ENPP3: variants seen among roughly 807,000 people sequenced by gnomAD.
ENPP3 encodes ectonucleotide pyrophosphatase/phosphodiesterase family member 3.
In ENPP3, 104 loss-of-function variants were observed where a neutral mutation model predicts 117.8. The observed-to-expected ratio is 0.88, with a 90% confidence interval of 0.75 to 1.04. ENPP3 has a LOEUF of 1.04. Among genes scored for constraint, ENPP3 ranks in the 50% least tolerant of loss-of-function variants. The probability of loss-of-function intolerance (pLI) is 0.00; values close to 1 mark genes in which losing one functional copy is unlikely to be tolerated. For missense variants in ENPP3, 1,026 were observed against 1,051.9 expected (o/e 0.98, Z 0.34); for synonymous variants, 380 against 349.9 (o/e 1.09, Z -0.96).
chr6:131,715,986 G>A (rs1340219464), intron 15 of ENPP3, among the ~76,000 whole-genome samples: 1 of 151,960 alleles, frequency 6.6e-6, no homozygotes, highest in Non-Finnish European at 1.5e-5. Flanking sequence ...AATGCTTGGC[G>A]ATCTGCTTAT....
chr6:131,650,156 G>A lies in ENPP3; in HGVS notation c.277+7G>A, dbSNP rs189132143. ...GACACCTGTGTGGAATCAAGTATGAGTTCTGAGAATAAGTTTATTAGCATG... is the reference window on the plus strand; with the variant it reads ...GACACCTGTGTGGAATCAAGTATGAATTCTGAGAATAAGTTTATTAGCATG... On this transcript the variant is annotated splice_region_variant and intron_variant, in intron 3 of 24. Coordinates refer to ENST00000357639, the MANE Select transcript of ENPP3 (RefSeq NM_005021.5). 3.6e-3 allele frequency: 5,745 copies of A among 1,613,868 alleles called. 73 individuals are homozygous for A. Among genetic ancestry groups the A allele is most frequent in the Middle Eastern group, 0.032 (191 of 6,056 alleles).
intron 15 of ENPP3, chr6:131,701,014 G>C: frequency 1.8e-6 from 1 of 548,450 alleles, no homozygotes; most frequent in South Asian, 2.1e-5. Flanking sequence ...GCCAAATATC[G>C]GAGGGGGTGG....
intron 2 of ENPP3, among the ~76,000 whole-genome samples, chr6:131,648,507 T>G (rs1295265828): frequency 6.6e-6 from 1 of 152,152 alleles, no homozygotes; most frequent in African/African-American, 2.4e-5. Flanking sequence ...AAATTTTTAT[T>G]ATATAAAGTC....
At chr6:131,675,269 C>G in intron 9 of ENPP3, 80 bp downstream of exon 9, 1 of 968,812 alleles carries the variant, frequency 1.0e-6, no homozygotes, top group South Asian at 1.4e-5. Context: ...GGTGGCAATT[C>G]TATTAATCCA....
chr6:131,722,464 G>C, intron 18 of ENPP3, 59 bp downstream of exon 18: 1 of 1,420,922 alleles, frequency 7.0e-7, no homozygotes. Context: ...TCTTAACCTG[G>C]GTAGCTGACA....
chr6:131,685,764 A>G, intron 13 of ENPP3, 112 bp from the exon 14 acceptor site: 1 of 668,216 alleles, frequency 1.5e-6, no homozygotes, highest in Non-Finnish European at 2.7e-6. Context: ...TAATTTTACC[A>G]GATCACAGTT....
chr6:131,743,001 T>C (rs1192289359), intron 24 of ENPP3, among the ~76,000 whole-genome samples: 2 of 152,192 alleles, frequency 1.3e-5, no homozygotes, highest in Non-Finnish European at 2.9e-5. Flanking sequence ...AATAAGAATG[T>C]GACATCTGTA....
In ENPP3 at chr6:131,671,242, T is replaced by C. The variant is rs1180183053; in HGVS notation, c.563-6T>C. On this transcript the variant is annotated splice_polypyrimidine_tract_variant and splice_region_variant and intron_variant, in intron 6 of 24. Coordinates refer to ENST00000357639, the MANE Select transcript of ENPP3 (RefSeq NM_005021.5). ...CTTCCTAATTTCTCACCATATTCTGTTGCAGAAACATGTGGAATTCATTCA... is the reference window on the plus strand; with the variant it reads ...CTTCCTAATTTCTCACCATATTCTGCTGCAGAAACATGTGGAATTCATTCA... 1.3e-6 allele frequency: 2 copies of C among 1,553,246 alleles called. No individual in the cohort carries two copies. The highest frequency in any genetic ancestry group is 1.8e-6 in the Non-Finnish European group (2 of 1,125,930).
At chr6:131,675,228 A>G in intron 9 of ENPP3, 39 bp downstream of exon 9, 2 of 1,243,446 alleles carry the variant, frequency 1.6e-6, no homozygotes, top group South Asian at 2.4e-5. Context: ...AGCTAGGCAG[A>G]AATGATCAAG....
At chr6:131,709,678 G>A (rs1191361254) in intron 15 of ENPP3, 3 of 1,613,124 alleles carry the variant, frequency 1.9e-6, no homozygotes, top group South Asian at 1.1e-5. Context: ...AAAATGAACA[G>A]TTCTCTCCAA....
In ENPP3 at chr6:131,675,556, G is replaced by A. The variant is rs537742587; in HGVS notation, c.872+367G>A. 4.4e-4 allele frequency among the ~76,000 whole-genome samples: 67 copies of A among 152,162 alleles called. 1 individual carries two copies. The South Asian group carries it at 6.4e-3, about 15-fold the overall frequency. ...TTAAAATTCAAGTCCAGCCAGGTGC[G>A]GTGGCTCATGCCTGTAATCCCAGCA... On this transcript the variant is annotated intron_variant, in intron 9 of 24. Coordinates refer to ENST00000357639, the MANE Select transcript of ENPP3 (RefSeq NM_005021.5).
At position 131,731,070 on chromosome 6, in the gene ENPP3, G is replaced by A. The variant is rs141034315; in HGVS notation, c.1954-2518G>A. Among the ~76,000 whole-genome samples the A allele has an allele frequency of 7.6e-4, 115 of 152,016 alleles. 1 individual carries two copies. The highest frequency in any genetic ancestry group is 2.6e-3 in the African/African-American group (106 of 41,460). The stretch of plus-strand genomic sequence containing the variant: ...TATTGAGTGTTTTCTTTTGGCTGTC[G>A]TATTTTGAAATCCCAAGAGCTCTTT... On this transcript the variant is annotated intron_variant, in intron 20 of 24. Transcript: ENST00000357639.
intron 3 of ENPP3, among the ~76,000 whole-genome samples, chr6:131,651,633 T>A (rs1469147860): frequency 6.6e-6 from 1 of 152,166 alleles, no homozygotes; most frequent in Non-Finnish European, 1.5e-5. Flanking sequence ...CTTACAATGT[T>A]TAATTCCCTA....
chr6:131,696,497 C>T (rs1452726563), intron 15 of ENPP3, among the ~76,000 whole-genome samples: 1 of 152,136 alleles, frequency 6.6e-6, no homozygotes, highest in Non-Finnish European at 1.5e-5. Flanking sequence ...GGATAGGATA[C>T]GTGTTGCCAT....
In ENPP3 at chr6:131,737,359, C is replaced by A; in HGVS notation, c.2094C>A (p.Ser698Arg). The A allele has an allele frequency of 1.2e-6, 2 of 1,605,836 alleles. No individual in the cohort carries two copies. Among genetic ancestry groups the A allele is most frequent in the Non-Finnish European group, 1.7e-6 (2 of 1,174,008 alleles). ...ITHGFLYPPA[S>R]NRTSDSQYDA... The stretch of plus-strand genomic sequence containing the variant: ...TAAGATCCATTTGTTTTGCAGCCAG[C>A]AATAGAACATCAGATAGCCAATATG... The change falls in exon 22 of 25, where the codon AGC becomes AGA. Residue 698 changes from serine (S) to arginine (R), a missense_variant. Physicochemically the swap from Ser to Arg is moderately radical, Grantham distance 110 (BLOSUM62 -1). Transcript: ENST00000357639.
intron 1 of ENPP3, among the ~76,000 whole-genome samples, chr6:131,640,168 C>T (rs1432944670): frequency 1.3e-5 from 2 of 152,064 alleles, no homozygotes. Context: ...AGCAAAAGTA[C>T]CACAGATAAG....
chr6:131,656,104 G>A (rs568922046), intron 5 of ENPP3, among the ~76,000 whole-genome samples: 2 of 152,244 alleles, frequency 1.3e-5, no homozygotes, highest in Admixed American at 1.3e-4. Context: ...GTATAGTAAG[G>A]AGCTTAGACT....
chr6:131,740,192 C>G, intron 23 of ENPP3, 32 bp from the exon 24 acceptor site: 7 of 1,518,148 alleles, frequency 4.6e-6, no homozygotes, highest in Non-Finnish European at 6.2e-6. Flanking sequence ...AGTATAATAA[C>G]ATCAAAACAT....
chr6:131,716,521 T>G (rs979937881), intron 15 of ENPP3, among the ~76,000 whole-genome samples: 6 of 151,572 alleles, frequency 4.0e-5, no homozygotes, highest in Admixed American at 3.9e-4. Context: ...ACCAAAAAAC[T>G]TAGTCAAAAA....
Sources: allele counts gnomAD v4.1 joint callset (sites outside exome capture counted in the v4.1 genomes callset), GRCh38; gene constraint gnomAD v4.1.1; transcripts MANE v1.5; gene names NCBI Gene and HGNC (gene_info 2026-07-23, HGNC 2026-07-21).